Variants in FAM234B observed in about 807,000 individuals in gnomAD.
FAM234B encodes family with sequence similarity 234 member B.
In FAM234B, 33 loss-of-function variants were observed where a neutral mutation model predicts 69.3. The ratio of observed to expected loss-of-function variants is 0.48; its 90% CI spans 0.36 to 0.64. FAM234B has a LOEUF of 0.64. Ranked by LOEUF, FAM234B falls within the 30% of genes least tolerant of loss-of-function variation. FAM234B has a pLI of 0.00. For missense variants in FAM234B, 697 were observed against 769.7 expected (o/e 0.91, Z 1.12); for synonymous variants, 306 against 306.9 (o/e 1.00, Z 0.03).
Position 13,044,574 on chromosome 12 carries a change from G to C in FAM234B, c.37+134G>C, listed in dbSNP as rs1247218899. The C allele has an allele frequency of 3.2e-6, 3 of 939,768 alleles. No individual in the cohort carries two copies. The East Asian group carries it at 8.0e-5, about 25-fold the overall frequency. The allele number at this position is 939,768 out of a possible 1,614,324, so 58.2% of individuals were successfully genotyped here. On this transcript the variant is annotated intron_variant, in intron 1 of 12. Coordinates refer to ENST00000197268, the MANE Select transcript of FAM234B (RefSeq NM_020853.2). The surrounding 1 kb of genome is among the most constrained non-coding windows in gnomAD (Gnocchi z 5.6). The stretch of plus-strand genomic sequence containing the variant: ...GCTGCAGGCGCCCGGTGCCGAGGAG[G>C]GTGCAGTCCCTTGGGGCTGGGGTCT...
intron 1 of FAM234B, among the ~76,000 whole-genome samples, chr12:13,050,122 C>A (rs1157930579): frequency 6.6e-6 from 1 of 152,118 alleles, no homozygotes; most frequent in Non-Finnish European, 1.5e-5. Flanking sequence ...CTTTGTTTTG[C>A]CAGTTATCAA....
Position 13,077,733 on chromosome 12 carries a change from C to T in FAM234B, c.1642+1590C>T, listed in dbSNP as rs565628943. On this transcript the variant is annotated intron_variant, in intron 11 of 12. Coordinates refer to ENST00000197268, the MANE Select transcript of FAM234B (RefSeq NM_020853.2). ...TGTGAATAGTGCCGCAATAAATATA[C>T]GTGTGCATGTGTCTTTATGGCAGCA... 4.1e-4 allele frequency among the ~76,000 whole-genome samples: 63 copies of T among 152,120 alleles called. 1 individual carries two copies. The highest frequency in any genetic ancestry group is 1.4e-3 in the African/African-American group (59 of 41,478).
chr12:13,066,800 G>T lies in FAM234B; in HGVS notation c.1000+13G>T, dbSNP rs758625074. The T allele has an allele frequency of 2.5e-5, 40 of 1,608,548 alleles. No individual in the cohort carries two copies. Among genetic ancestry groups the T allele is most frequent in the Non-Finnish European group, 3.4e-5 (40 of 1,177,154 alleles). On this transcript the variant is annotated intron_variant, in intron 6 of 12. Coordinates refer to ENST00000197268, the MANE Select transcript of FAM234B (RefSeq NM_020853.2). ...CTGTTTGGCTTTGGTAAGAAGCAAG[G>T]CTAGTTTTTGCTCCTGTTCCCCACT...
At chr12:13,050,530 T>C (rs1864864480) in intron 1 of FAM234B, among the ~76,000 whole-genome samples, 1 of 152,182 alleles carries the variant, frequency 6.6e-6, no homozygotes, top group African/African-American at 2.4e-5. Context: ...AGACTTTGTC[T>C]TTCCAAGCAA....
intron 1 of FAM234B, among the ~76,000 whole-genome samples, chr12:13,046,512 G>A (rs1864814344): frequency 6.6e-6 from 1 of 152,070 alleles, no homozygotes; most frequent in African/African-American, 2.4e-5. Context: ...CCAGGCTGGA[G>A]TGCAATTGTG....
At chr12:13,060,148 T>C (rs1038867942) in intron 3 of FAM234B, among the ~76,000 whole-genome samples, 1 of 152,214 alleles carries the variant, frequency 6.6e-6, no homozygotes, top group Non-Finnish European at 1.5e-5. Flanking sequence ...ACTTGCCCAG[T>C]CCTACTGCTG....
chr12:13,052,574 A>G (rs1330429620), intron 1 of FAM234B, among the ~76,000 whole-genome samples: 3 of 152,320 alleles, frequency 2.0e-5, no homozygotes, highest in Admixed American at 6.5e-5. Context: ...CTGAAACTCT[A>G]TACTTACTCA....
chr12:13,061,615 G>T lies in FAM234B; in HGVS notation c.573G>T (p.Gly191=). The part of the protein sequence containing the change: ...RPAANLVCLS[G]MNGSTLWSSL... The stretch of plus-strand genomic sequence containing the variant: ...CTGCTAATCTTGTATGCCTTTCGGG[G>T]ATGAATGGCAGCACACTGTGGTCTA... The change falls in exon 4 of 13, where the codon GGG becomes GGT. Residue 191 remains glycine, a synonymous_variant. Coordinates refer to ENST00000197268, the MANE Select transcript of FAM234B (RefSeq NM_020853.2). The T allele has an allele frequency of 6.2e-7, 1 of 1,613,808 alleles. No individual in the cohort carries two copies. Among genetic ancestry groups the T allele is most frequent in the East Asian group, 2.2e-5 (1 of 44,874 alleles).
At chr12:13,068,211 A>T in intron 7 of FAM234B, 93 bp from the exon 8 acceptor site, 1 of 1,215,636 alleles carries the variant, frequency 8.2e-7, no homozygotes, top group South Asian at 1.3e-5. Context: ...GAGTGTGTAC[A>T]GGTGTACGTA....
intron 11 of FAM234B, among the ~76,000 whole-genome samples, chr12:13,077,225 C>T (rs919687935): frequency 3.3e-5 from 5 of 151,856 alleles, no homozygotes; most frequent in South Asian, 2.1e-4. Context: ...AATCTTGACA[C>T]CATTTTTATT....
chr12:13,070,507 A>G (rs1300018250), intron 9 of FAM234B, among the ~76,000 whole-genome samples: 6 of 152,064 alleles, frequency 3.9e-5, no homozygotes, highest in African/African-American at 1.4e-4. Flanking sequence ...GGGAGTAAAG[A>G]CACTTGGGCT....
At chr12:13,045,554 A>G (rs934196321) in intron 1 of FAM234B, among the ~76,000 whole-genome samples, 2 of 152,120 alleles carry the variant, frequency 1.3e-5, no homozygotes, top group Non-Finnish European at 2.9e-5. Context: ...GAACCTTGCC[A>G]TTTGGATGAC....
intron 1 of FAM234B, among the ~76,000 whole-genome samples, chr12:13,050,418 G>T (rs1864863527): frequency 6.6e-6 from 1 of 152,162 alleles, no homozygotes; most frequent in South Asian, 2.1e-4. Flanking sequence ...TCCTGACAGT[G>T]TGCTTTTTGT....
intron 1 of FAM234B, among the ~76,000 whole-genome samples, chr12:13,048,587 T>C (rs963888535): frequency 2.0e-5 from 3 of 152,258 alleles, no homozygotes; most frequent in African/African-American, 7.2e-5. Flanking sequence ...ACCTTTGTTG[T>C]CAGTATCTAT....
chr12:13,054,219 G>C (rs971110965), intron 1 of FAM234B, among the ~76,000 whole-genome samples: 76 of 151,854 alleles, frequency 5.0e-4, no homozygotes, highest in African/African-American at 1.5e-3. Flanking sequence ...GAAATTATAA[G>C]AGTATTAATA....
Position 13,082,592 on chromosome 12 carries a change from G to C in FAM234B, c.*1962G>C, listed in dbSNP as rs529777692. 6.6e-6 allele frequency: 1 copy of C among 152,338 alleles called. No homozygotes were observed. The highest frequency in any genetic ancestry group is 2.1e-4 in the South Asian group (1 of 4,832). The allele number at this position is 152,338 out of a possible 1,614,324, so 9.4% of individuals were successfully genotyped here. ...ATTTCTGGGATTTGAATCTACTTGA[G>C]TTTAAGGGCCTGGGACCTAATTTGG... is the stretch of plus-strand genomic sequence containing the variant. On this transcript the variant is annotated 3_prime_UTR_variant, in exon 13 of 13. Transcript: ENST00000197268.
At chr12:13,069,141 G>C (rs192125988) in intron 9 of FAM234B, among the ~76,000 whole-genome samples, 20 of 152,314 alleles carry the variant, frequency 1.3e-4, no homozygotes, top group Admixed American at 4.6e-4. Flanking sequence ...TCGTATTTAT[G>C]TAGACAGGAA....
intron 11 of FAM234B, among the ~76,000 whole-genome samples, chr12:13,078,988 C>G (rs1179163705): frequency 2.7e-5 from 4 of 149,768 alleles, no homozygotes; most frequent in Admixed American, 2.0e-4. Context: ...AGATTCAATG[C>G]CATCCCCATC....
At chr12:13,069,939 G>A (rs1865086068) in intron 9 of FAM234B, among the ~76,000 whole-genome samples, 4 of 152,076 alleles carry the variant, frequency 2.6e-5, no homozygotes, top group African/African-American at 9.7e-5. Context: ...ACTGGTGCTG[G>A]CAGGATAACG....
Sources: gnomAD v4.1 joint callset for allele counts (sites outside exome capture counted in the v4.1 genomes callset) on GRCh38, gnomAD v4.1.1 for gene constraint, Gnocchi (gnomAD v3.1) non-coding constraint, MANE v1.5 for transcripts, NCBI Gene and HGNC (gene_info 2026-07-23, HGNC 2026-07-21) for gene names.